Variants in NKD1 observed in about 807,000 individuals in gnomAD.
NKD1 encodes the protein protein naked cuticle homolog 1.
NKD1 carries 21 observed loss-of-function variants against 56.0 expected under a neutral mutation model. That is an observed-to-expected ratio of 0.38 (90% confidence interval 0.27 to 0.54). NKD1 has a LOEUF of 0.54. Ranked by LOEUF, NKD1 falls within the 20% of genes least tolerant of loss-of-function variation. NKD1 has a pLI of 0.82. For missense variants in NKD1, 578 were observed against 642.7 expected, an observed-to-expected ratio of 0.90 and a Z score of 1.09; for synonymous variants, 263 against 265.7, an observed-to-expected ratio of 0.99 and a Z score of 0.10.
intron 5 of NKD1, chr16:50,625,118 C>T (rs1962180028): frequency 6.2e-6 from 2 of 320,888 alleles, no homozygotes; most frequent in Non-Finnish European, 1.2e-5. Context: ...CTGGCATCCT[C>T]CTGGGGCTCC....
At chr16:50,551,588 C>G (rs1025551982) in intron 3 of NKD1, among the ~76,000 whole-genome samples, 1 of 152,110 alleles carries the variant, frequency 6.6e-6, no homozygotes, top group Non-Finnish European at 1.5e-5. Flanking sequence ...GATGGCCCAG[C>G]CAGTGTGTCT....
At chr16:50,614,460 T>C (rs1203432987) in intron 4 of NKD1, among the ~76,000 whole-genome samples, 1 of 152,146 alleles carries the variant, frequency 6.6e-6, no homozygotes, top group Non-Finnish European at 1.5e-5. Flanking sequence ...TCTCTCCCTC[T>C]GTCCCCTGGT....
chr16:50,548,398 T>G lies in NKD1; in HGVS notation c.-156T>G. The G allele has an allele frequency of 3.4e-6, 1 of 297,638 alleles. No homozygotes were observed. The highest frequency in any genetic ancestry group is 5.4e-6 in the Non-Finnish European group (1 of 183,694). The allele number at this position is 297,638 out of a possible 1,614,324, so 18.4% of individuals were successfully genotyped here. Reference sequence around the variant, plus strand: ...GGGGCTCGGCGCTCCCGGGCGTCAGTCGGGCCGCGGCGACGGCGGCAGGAG... The same window carrying G: ...GGGGCTCGGCGCTCCCGGGCGTCAGGCGGGCCGCGGCGACGGCGGCAGGAG... On this transcript the variant is annotated 5_prime_UTR_variant, in exon 1 of 10. Transcript: ENST00000268459.
At chr16:50,620,696 A>G (rs1962066028) in intron 4 of NKD1, among the ~76,000 whole-genome samples, 1 of 152,150 alleles carries the variant, frequency 6.6e-6, no homozygotes, top group South Asian at 2.1e-4. Context: ...GGACTAAAGG[A>G]GGCTTATGGG....
chr16:50,573,470 G>A (rs1299744221), intron 3 of NKD1, among the ~76,000 whole-genome samples: 2 of 152,236 alleles, frequency 1.3e-5, no homozygotes, highest in Admixed American at 6.5e-5. Flanking sequence ...GTGAAGCCGG[G>A]TGCTGCGGGG....
At chr16:50,596,693 C>T (rs2151272942) in intron 3 of NKD1, among the ~76,000 whole-genome samples, 3 of 152,362 alleles carry the variant, frequency 2.0e-5, no homozygotes, top group Non-Finnish European at 4.4e-5. Flanking sequence ...TCGAGTGCCT[C>T]CGCCGTCAGG....
intron 4 of NKD1, among the ~76,000 whole-genome samples, chr16:50,608,881 G>A (rs1425474556): frequency 6.6e-6 from 1 of 152,162 alleles, no homozygotes; most frequent in Non-Finnish European, 1.5e-5. Context: ...AGGCTGGAGT[G>A]CAGTAGGTAA....
At chr16:50,551,448 T>C (rs1960382844) in intron 3 of NKD1, among the ~76,000 whole-genome samples, 1 of 152,184 alleles carries the variant, frequency 6.6e-6, no homozygotes, top group Non-Finnish European at 1.5e-5. Context: ...TGGCATGACA[T>C]GTGTCAGGTG....
intron 3 of NKD1, among the ~76,000 whole-genome samples, chr16:50,554,093 C>CTT (rs1460393075): frequency 6.6e-6 from 1 of 152,190 alleles, no homozygotes; most frequent in East Asian, 1.9e-4. Context: ...CACTTTGAGA[C>CTT]TTTTCTTCTT....
chr16:50,593,684 G>A (rs1961417045), intron 3 of NKD1, among the ~76,000 whole-genome samples: 1 of 152,180 alleles, frequency 6.6e-6, no homozygotes. Context: ...GTGGGTGAGA[G>A]GAATGGAGGG....
Position 50,643,933 on chromosome 16 carries a change from G to A in NKD1, c.*10152G>A, listed in dbSNP as rs1379631687. ...ATGGCACTTCAGCGTCATGCCTGGG[G>A]AGCATTTTAAGCAGCCAAATCACCA... On this transcript the variant is annotated 3_prime_UTR_variant, in exon 10 of 10. Transcript: ENST00000268459. 1.3e-5 allele frequency: 2 copies of A among 152,250 alleles called. No individual in the cohort carries two copies. Among genetic ancestry groups the A allele is most frequent in the Admixed American group, 6.5e-5 (1 of 15,292 alleles). 9.4% of individuals were successfully genotyped at this position (152,250 alleles called of 1,614,324 possible).
At position 50,635,711 on chromosome 16, in the gene NKD1, T is replaced by C. The variant is rs1288616807; in HGVS notation, c.*1930T>C. On this transcript the variant is annotated 3_prime_UTR_variant, in exon 10 of 10. Coordinates refer to ENST00000268459, the MANE Select transcript of NKD1 (RefSeq NM_033119.5). The surrounding 1 kb of genome is among the most constrained non-coding windows in gnomAD (Gnocchi z 4.1). ...TGTCTAAGGCTCAGAAGTTCATAACTCCCTTGAGGCCGCACAGAGGGCGGA... is the reference window on the plus strand; with the variant it reads ...TGTCTAAGGCTCAGAAGTTCATAACCCCCTTGAGGCCGCACAGAGGGCGGA... 4.6e-5 allele frequency: 7 copies of C among 152,212 alleles called. No individual in the cohort carries two copies. The highest frequency in any genetic ancestry group is 4.6e-4 in the Admixed American group (7 of 15,278). The allele number at this position is 152,212 out of a possible 1,614,324, so 9.4% of individuals were successfully genotyped here.
At position 50,630,249 on chromosome 16, in the gene NKD1, A is replaced by T. The variant is rs750505507; in HGVS notation, c.526A>T (p.Thr176Ser). 1 of 1,614,158 alleles carries T rather than the reference A, an allele frequency of 6.2e-7. No individual in the cohort carries two copies. Among genetic ancestry groups the T allele is most frequent in the South Asian group, 1.1e-5 (1 of 91,086 alleles). Residue 176 changes from threonine to serine, a missense_variant, in exon 7 of 10, where the codon ACA becomes TCA. Thr to Ser is a moderately conservative substitution (Grantham distance 58). Transcript: ENST00000268459. ...VVDSSVNHSP[T>S]SSKMLRVKLT... Reference sequence around the variant, plus strand: ...GGACTCCTCTGTCAACCACTCCCCAACATCCAGCAAGATGCTGCGGGTAAA... The same window carrying T: ...GGACTCCTCTGTCAACCACTCCCCATCATCCAGCAAGATGCTGCGGGTAAA...
chr16:50,579,550 G>A (rs1484349986), intron 3 of NKD1, among the ~76,000 whole-genome samples: 1 of 119,132 alleles, frequency 8.4e-6, no homozygotes, highest in African/African-American at 4.0e-5. Context: ...CACTACACAC[G>A]CACTCTAACC....
At chr16:50,573,920 T>A in intron 3 of NKD1, 1 of 985,408 alleles carries the variant, frequency 1.0e-6, no homozygotes, top group Non-Finnish European at 1.2e-6. Context: ...ACTATATATG[T>A]CTGGGGTGCA....
At chr16:50,601,653 C>T (rs1322845283) in intron 3 of NKD1, among the ~76,000 whole-genome samples, 1 of 152,178 alleles carries the variant, frequency 6.6e-6, no homozygotes, top group African/African-American at 2.4e-5. Flanking sequence ...CCCGTCAGCT[C>T]CCGAGGGAGG....
intron 6 of NKD1, among the ~76,000 whole-genome samples, chr16:50,625,997 G>A (rs1962204954): frequency 6.6e-6 from 1 of 152,254 alleles, no homozygotes; most frequent in Non-Finnish European, 1.5e-5. Flanking sequence ...ATGCTGCCCA[G>A]GAGCTTGGGG....
intron 4 of NKD1, among the ~76,000 whole-genome samples, chr16:50,612,972 G>A (rs1298516556): frequency 2.6e-5 from 4 of 152,174 alleles, no homozygotes. Context: ...CAGGCGAGAG[G>A]AGATGGTGCT....
At chr16:50,563,026 G>T (rs1016455967) in intron 3 of NKD1, among the ~76,000 whole-genome samples, 4 of 142,988 alleles carry the variant, frequency 2.8e-5, no homozygotes, top group African/African-American at 1.1e-4. Context: ...AGAAGGGGCT[G>T]TAGAAGTGAC....
Sources: allele counts gnomAD v4.1 joint callset (sites outside exome capture counted in the v4.1 genomes callset), GRCh38; gene constraint gnomAD v4.1.1; non-coding constraint Gnocchi (gnomAD v3.1); transcripts MANE v1.5; gene names NCBI Gene and HGNC (gene_info 2026-07-23, HGNC 2026-07-21).